Variants in CDC25C observed in about 807,000 individuals in gnomAD.
The protein encoded by CDC25C is cell division cycle 25C.
A neutral mutation model predicts 52.5 loss-of-function variants in CDC25C; 48 were observed. That is an observed-to-expected ratio of 0.91 (90% CI 0.72 to 1.16). The LOEUF (loss-of-function observed/expected upper bound fraction) is 1.16. Among genes scored for constraint, CDC25C ranks in the 50% most tolerant of loss-of-function variants. The pLI, the probability that CDC25C is intolerant of heterozygous loss-of-function variation, is 0.00. For synonymous variants in CDC25C, 187 were observed against 206.5 expected, an observed-to-expected ratio of 0.91 and a Z score of 0.81; for missense variants, 510 against 566.1, an observed-to-expected ratio of 0.90 and a Z score of 1.01.
At chr5:138,333,154 C>A (rs958529311), upstream of CDC25C, among the ~76,000 whole-genome samples, 3 of 152,184 alleles carry the variant, frequency 2.0e-5, no homozygotes, top group African/African-American at 7.2e-5. Flanking sequence ...ATACTTCTTA[C>A]TTCAATGTAT....
At chr5:138,318,657 G>C (rs577577366) in intron 7 of CDC25C, among the ~76,000 whole-genome samples, 1 of 152,272 alleles carries the variant, frequency 6.6e-6, no homozygotes, top group African/African-American at 2.4e-5. Flanking sequence ...GGAGGTCGCA[G>C]TGAGCCAAGA....
At chr5:138,330,696 A>G (rs1760297222) in intron 2 of CDC25C, among the ~76,000 whole-genome samples, 1 of 152,052 alleles carries the variant, frequency 6.6e-6, no homozygotes, top group Non-Finnish European at 1.5e-5. Flanking sequence ...TTTTGTAGAG[A>G]CGGCGTCTTG....
upstream of CDC25C, among the ~76,000 whole-genome samples, chr5:138,334,450 C>T (rs894602395): frequency 6.6e-6 from 1 of 152,064 alleles, no homozygotes; most frequent in African/African-American, 2.4e-5. Context: ...AACCTCTGTT[C>T]AAGTGATTCT....
intron 2 of CDC25C, 22 bp from the exon 3 acceptor site, chr5:138,329,669 T>C (rs768500503): frequency 7.7e-7 from 1 of 1,305,676 alleles, no homozygotes; most frequent in Non-Finnish European, 1.1e-6. Flanking sequence ...TAATAGTACA[T>C]CGAAATTCCC....
chr5:138,311,664 T>C (rs576475854), intron 7 of CDC25C, among the ~76,000 whole-genome samples: 31 of 152,126 alleles, frequency 2.0e-4, no homozygotes, highest in African/African-American at 5.1e-4. Context: ...TTCTCAGATA[T>C]GACACCAAAA....
intron 10 of CDC25C, among the ~76,000 whole-genome samples, chr5:138,287,624 G>T (rs1196605886): frequency 1.3e-5 from 2 of 152,100 alleles, no homozygotes; most frequent in East Asian, 1.9e-4. Flanking sequence ...AATGCAAAAT[G>T]GTTCCCTACC....
At chr5:138,311,491 A>T (rs1758450360) in intron 7 of CDC25C, among the ~76,000 whole-genome samples, 1 of 152,130 alleles carries the variant, frequency 6.6e-6, no homozygotes, top group African/African-American at 2.4e-5. Flanking sequence ...GCTACTATGG[A>T]CACTGAGGTG....
At chr5:138,311,538 T>G (rs1447229630) in intron 7 of CDC25C, among the ~76,000 whole-genome samples, 2 of 152,146 alleles carry the variant, frequency 1.3e-5, no homozygotes, top group Non-Finnish European at 2.9e-5. Flanking sequence ...GAAGTTACAG[T>G]GAGCTATGTG....
At chr5:138,335,936 G>A (rs1489997758), upstream of CDC25C, among the ~76,000 whole-genome samples, 1 of 151,718 alleles carries the variant, frequency 6.6e-6, no homozygotes, top group Non-Finnish European at 1.5e-5. Flanking sequence ...GAAAAGCAAG[G>A]GCTTTTAGAC....
At chr5:138,286,277 G>A (rs1756221876) in intron 12 of CDC25C, 144 bp from the exon 13 acceptor site, 1 of 793,298 alleles carries the variant, frequency 1.3e-6, no homozygotes, top group Admixed American at 2.8e-5. Flanking sequence ...GCAAAAAAAG[G>A]TCCAAGTAGT....
chr5:138,334,757 T>C (rs1760603852), upstream of CDC25C, among the ~76,000 whole-genome samples: 1 of 152,246 alleles, frequency 6.6e-6, no homozygotes, highest in African/African-American at 2.4e-5. Flanking sequence ...TGCAACATAC[T>C]TAGCTAATTA....
chr5:138,320,491 C>A (rs1427970813), intron 6 of CDC25C, among the ~76,000 whole-genome samples: 1 of 151,948 alleles, frequency 6.6e-6, no homozygotes, highest in Non-Finnish European at 1.5e-5. Flanking sequence ...CTAATACATG[C>A]TATGACATAG....
intron 4 of CDC25C, among the ~76,000 whole-genome samples, chr5:138,326,404 C>T (rs573657297): frequency 7.2e-5 from 11 of 151,994 alleles, no homozygotes; most frequent in African/African-American, 2.2e-4. Flanking sequence ...TGGAGTGGCA[C>T]GACCTCGGCT....
chr5:138,285,762 C>A lies in CDC25C; in HGVS notation c.1352G>T (p.Ser451Ile), dbSNP rs1269013243. ...CTGCCGCTCCCCTTCCTGCACTTTGCTCTGGCTTCGACACCTCAGCAACTC... is the reference window on the plus strand; with the variant it reads ...CTGCCGCTCCCCTTCCTGCACTTTGATCTGGCTTCGACACCTCAGCAACTC... The part of the protein sequence containing the change: ...KTELLRCRSQ[S>I]KVQEGERQLR... Residue 451 changes from serine to isoleucine, a missense_variant, in exon 14 of 14, where the codon AGC becomes ATC. Physicochemically the swap from Ser to Ile is moderately radical, Grantham distance 142. Transcript: ENST00000323760. The A allele has an allele frequency of 1.2e-6, 2 of 1,614,090 alleles. No individual in the cohort carries two copies. Among genetic ancestry groups the A allele is most frequent in the Admixed American group, 1.7e-5 (1 of 60,004 alleles).
At chr5:138,331,497 T>A (rs1254762112) in intron 1 of CDC25C, 98 bp downstream of exon 1, 1 of 931,274 alleles carries the variant, frequency 1.1e-6, no homozygotes, top group Non-Finnish European at 1.4e-6. Flanking sequence ...ATAGTCCCCA[T>A]TCGGCCCTCC....
Position 138,286,014 on chromosome 5 carries a change from C to T in CDC25C, c.1272+8G>A. 1.2e-6 allele frequency: 2 copies of T among 1,604,792 alleles called. No homozygotes were observed. Among genetic ancestry groups the T allele is most frequent in the Non-Finnish European group, 8.5e-7 (1 of 1,171,792 alleles). Reference sequence around the variant, plus strand: ...AAAGTTTGGCTCCCCGCATGCCCCACCCTTTACCATATATTCTGGAAAGAA... The same window carrying T: ...AAAGTTTGGCTCCCCGCATGCCCCATCCTTTACCATATATTCTGGAAAGAA... On this transcript the variant is annotated splice_region_variant and intron_variant, in intron 13 of 13. Coordinates refer to ENST00000323760, the MANE Select transcript of CDC25C (RefSeq NM_001790.5).
At chr5:138,311,831 T>C (rs1354334112) in intron 7 of CDC25C, among the ~76,000 whole-genome samples, 15 of 152,128 alleles carry the variant, frequency 9.9e-5, no homozygotes. Context: ...ATCCAGAATA[T>C]ATAAAGAACT....
intron 7 of CDC25C, among the ~76,000 whole-genome samples, chr5:138,302,988 T>C (rs986585939): frequency 3.3e-5 from 5 of 151,886 alleles, no homozygotes; most frequent in African/African-American, 1.2e-4. Flanking sequence ...GAGGATCTCT[T>C]GAGCCCAGGA....
rs113579049 is a variant in CDC25C, at chr5:138,287,937, T to C, written c.928-670A>G. Among the ~76,000 whole-genome samples the C allele has an allele frequency of 2.2e-4, 34 of 152,334 alleles. 1 individual carries two copies. The highest frequency in any genetic ancestry group is 7.7e-4 in the African/African-American group (32 of 41,580). ...TCAATATTCAATAATAGGGGTTTGGTAAAATAAATTGTACATGTCAGTAGA... is the reference window on the plus strand; with the variant it reads ...TCAATATTCAATAATAGGGGTTTGGCAAAATAAATTGTACATGTCAGTAGA... On this transcript the variant is annotated intron_variant, in intron 10 of 13. Coordinates refer to ENST00000323760, the MANE Select transcript of CDC25C (RefSeq NM_001790.5).
Sources: allele counts gnomAD v4.1 joint callset (sites outside exome capture counted in the v4.1 genomes callset), GRCh38; gene constraint gnomAD v4.1.1; transcripts MANE v1.5; gene names NCBI Gene and HGNC (gene_info 2026-07-23, HGNC 2026-07-21).